Variants in ADGRB3 observed in about 807,000 individuals in gnomAD.
ADGRB3 encodes the protein adhesion G protein-coupled receptor B3.
ADGRB3 carries 37 observed loss-of-function variants against 193.4 expected under a neutral mutation model. The ratio of observed to expected loss-of-function variants is 0.19; its 90% CI spans 0.15 to 0.25. The LOEUF (loss-of-function observed/expected upper bound fraction) is 0.25. Ranked by LOEUF, ADGRB3 falls within the 10% of genes least tolerant of loss-of-function variation. The pLI, the probability that ADGRB3 is intolerant of heterozygous loss-of-function variation, is 1.00. For missense variants in ADGRB3, 1,637 were observed against 1,852.9 expected (o/e 0.88, Z 2.14); for synonymous variants, 690 against 644.2 (o/e 1.07, Z -1.08).
At chr6:69,171,261 C>T (rs770507878) in intron 17 of ADGRB3, among the ~76,000 whole-genome samples, 5 of 152,086 alleles carry the variant, frequency 3.3e-5, no homozygotes, top group South Asian at 2.1e-4. Context: ...TGTTGGCCAG[C>T]ATAGTTGTTG....
At chr6:69,350,175 A>G (rs1368404936) in intron 26 of ADGRB3, among the ~76,000 whole-genome samples, 1 of 152,094 alleles carries the variant, frequency 6.6e-6, no homozygotes, top group Non-Finnish European at 1.5e-5. Flanking sequence ...GAGTTTTTAG[A>G]GCAACCCCCA....
chr6:69,362,007 C>A (rs889280868), intron 29 of ADGRB3, among the ~76,000 whole-genome samples: 29 of 151,822 alleles, frequency 1.9e-4, no homozygotes, highest in African/African-American at 7.0e-4. Context: ...TACCATTATA[C>A]TGATGAAAAA....
At chr6:69,379,688 T>C (rs1369083870) in intron 30 of ADGRB3, among the ~76,000 whole-genome samples, 2 of 151,990 alleles carry the variant, frequency 1.3e-5, no homozygotes, top group African/African-American at 4.8e-5. Context: ...TCAAACTGAG[T>C]TCATGTCAGA....
At chr6:69,231,014 T>C (rs1190367926) in intron 17 of ADGRB3, among the ~76,000 whole-genome samples, 1 of 151,738 alleles carries the variant, frequency 6.6e-6, no homozygotes, top group Non-Finnish European at 1.5e-5. Context: ...CCAGTGAGAG[T>C]AGAAGCATTT....
intron 13 of ADGRB3, among the ~76,000 whole-genome samples, chr6:69,025,009 G>A (rs867140644): frequency 6.3e-4 from 95 of 151,608 alleles, no homozygotes; most frequent in African/African-American, 2.2e-3. Context: ...GGAGAATAGC[G>A]TGAACCCGGC....
At chr6:68,838,552 G>C (rs1768088711) in intron 3 of ADGRB3, among the ~76,000 whole-genome samples, 1 of 152,138 alleles carries the variant, frequency 6.6e-6, no homozygotes, top group Non-Finnish European at 1.5e-5. Flanking sequence ...CATGACAAGT[G>C]ATACTATAAT....
intron 3 of ADGRB3, among the ~76,000 whole-genome samples, chr6:68,785,456 T>G (rs1404277270): frequency 1.3e-5 from 2 of 152,008 alleles, no homozygotes; most frequent in Admixed American, 6.6e-5. Context: ...GGTTTCCAGC[T>G]TCATCCATGT....
chr6:68,936,311 T>C (rs1003582594), intron 4 of ADGRB3, among the ~76,000 whole-genome samples: 1 of 152,224 alleles, frequency 6.6e-6, no homozygotes, highest in African/African-American at 2.4e-5. Context: ...GCTAATAAGG[T>C]TATGGCAAAA....
intron 15 of ADGRB3, among the ~76,000 whole-genome samples, chr6:69,058,162 G>A (rs961024532): frequency 6.6e-6 from 1 of 151,390 alleles, no homozygotes; most frequent in Non-Finnish European, 1.5e-5. Context: ...TTCAGTCTTG[G>A]TGTGTTATAT....
At chr6:68,636,443 GATAAATAAATAA>G (rs79779792) in intron 1 of ADGRB3, among the ~76,000 whole-genome samples, 118 of 145,230 alleles carry the variant, frequency 8.1e-4, no homozygotes, top group Admixed American at 3.5e-3. Context: ...CTCAGCAAGA[GATAAATAAATAA>G]ATAAATAAAT....
At chr6:69,064,156 G>C (rs1241046180) in intron 16 of ADGRB3, among the ~76,000 whole-genome samples, 1 of 151,872 alleles carries the variant, frequency 6.6e-6, no homozygotes, top group Non-Finnish European at 1.5e-5. Context: ...ATAGAAAAAT[G>C]ATAATCACCT....
At chr6:68,730,643 C>T (rs920992201) in intron 3 of ADGRB3, among the ~76,000 whole-genome samples, 1 of 151,640 alleles carries the variant, frequency 6.6e-6, no homozygotes, top group Non-Finnish European at 1.5e-5. Context: ...TTGCTAGGCT[C>T]ATTCTTCTTG....
chr6:68,778,914 T>G (rs574911927), intron 3 of ADGRB3, among the ~76,000 whole-genome samples: 1 of 152,010 alleles, frequency 6.6e-6, no homozygotes, highest in South Asian at 2.1e-4. Context: ...GAACCCTGTT[T>G]CTGGTCACAA....
chr6:68,751,133 T>C (rs572450296), intron 3 of ADGRB3, among the ~76,000 whole-genome samples: 1 of 152,306 alleles, frequency 6.6e-6, no homozygotes, highest in South Asian at 2.1e-4. Context: ...CTCTACTACC[T>C]AACAGTACTT....
At chr6:69,350,689 G>A (rs1769203028) in intron 26 of ADGRB3, among the ~76,000 whole-genome samples, 1 of 151,926 alleles carries the variant, frequency 6.6e-6, no homozygotes. Flanking sequence ...ATTATTGCCA[G>A]GCATTAGAAA....
chr6:69,193,276 G>A (rs544317915), intron 17 of ADGRB3, among the ~76,000 whole-genome samples: 2 of 152,250 alleles, frequency 1.3e-5, no homozygotes, highest in African/African-American at 4.8e-5. Flanking sequence ...GTAGACAGGT[G>A]TGATATGAAG....
At chr6:68,780,003 A>G (rs576849751) in intron 3 of ADGRB3, among the ~76,000 whole-genome samples, 2 of 152,078 alleles carry the variant, frequency 1.3e-5, no homozygotes, top group Non-Finnish European at 2.9e-5. Context: ...ATTTAATCAG[A>G]GAAAAGTATA....
chr6:68,836,104 T>G (rs483875), intron 3 of ADGRB3, among the ~76,000 whole-genome samples: 32,607 of 151,956 alleles, frequency 0.21, 4,047 homozygotes, highest in East Asian at 0.58. Flanking sequence ...AGCTGCTGAG[T>G]TGACTTTTGC....
chr6:68,997,493 A>C lies in ADGRB3; in HGVS notation c.1929+3531A>C, dbSNP rs998797608. On this transcript the variant is annotated intron_variant, in intron 11 of 31. Coordinates refer to ENST00000370598, the MANE Select transcript of ADGRB3 (RefSeq NM_001704.3). ...CCCTGTTGCTACTAAAAATACAAAA[A>C]AAAAAAAAAAAAAAAAGCAGTGCAT... Among the ~76,000 whole-genome samples the C allele has an allele frequency of 1.3e-4, 20 of 149,560 alleles. No homozygotes were observed. The East Asian group carries it at 3.7e-3, about 28-fold the overall frequency.
Sources: gnomAD v4.1 joint callset for allele counts (sites outside exome capture counted in the v4.1 genomes callset) on GRCh38, gnomAD v4.1.1 for gene constraint, MANE v1.5 for transcripts, NCBI Gene and HGNC (gene_info 2026-07-23, HGNC 2026-07-21) for gene names.